Variants in CLIP2 observed in about 807,000 individuals in gnomAD.
CLIP2 encodes CAP-Gly domain-containing linker protein 2.
In CLIP2, 41 loss-of-function variants were observed where a neutral mutation model predicts 111.7. The observed-to-expected ratio is 0.37, with a 90% CI of 0.29 to 0.48. The LOEUF is 0.48. CLIP2 is among the 20% of genes least tolerant of loss of function. The probability of loss-of-function intolerance (pLI) is 0.99; values close to 1 mark genes in which losing one functional copy is unlikely to be tolerated. For synonymous variants in CLIP2, 660 were observed against 644.2 expected (o/e 1.02, Z -0.37); for missense variants, 1,160 against 1,422.1 (o/e 0.82, Z 2.96).
At chr7:74,400,605 T>A in intron 15 of CLIP2, 50 bp downstream of exon 15, 2 of 1,467,372 alleles carry the variant, frequency 1.4e-6, no homozygotes, top group Admixed American at 2.5e-5. Context: ...CGGGGCAGTG[T>A]CCTCGGAGCC....
At chr7:74,308,339 G>C (rs1376530594) in intron 1 of CLIP2, among the ~76,000 whole-genome samples, 1 of 152,082 alleles carries the variant, frequency 6.6e-6, no homozygotes. Context: ...TGGGAGGCCA[G>C]ACCGGCTGTG....
rs1436830532 is a variant in CLIP2 at position 74,372,795 on chromosome 7, C to T, written c.1381-137C>T. On this transcript the variant is annotated intron_variant, in intron 8 of 16. Coordinates refer to ENST00000223398, the MANE Select transcript of CLIP2 (RefSeq NM_003388.5). ...AATTCTGGCTCATGAATCTACTCTCCTCGCCTTGTTCACGGAAGATGACGC... is the reference window on the plus strand; with the variant it reads ...AATTCTGGCTCATGAATCTACTCTCTTCGCCTTGTTCACGGAAGATGACGC... 5 of 651,572 alleles carry T rather than the reference C, an allele frequency of 7.7e-6. No homozygotes were observed. The East Asian group carries it at 1.4e-4, about 18-fold the overall frequency. The allele number at this position is 651,572 out of a possible 1,614,324, so 40.4% of individuals were successfully genotyped here.
rs530018297 is a variant in CLIP2 at position 74,353,706 on chromosome 7, G to A, written c.679-174G>A. Among the ~76,000 whole-genome samples, 11 of 152,300 alleles carry A rather than the reference G, an allele frequency of 7.2e-5. No homozygotes were observed. In the East Asian group the frequency reaches 1.9e-3, roughly 27 times the overall value. On this transcript the variant is annotated intron_variant, in intron 3 of 16. Coordinates refer to ENST00000223398, the MANE Select transcript of CLIP2 (RefSeq NM_003388.5). Reference sequence around the variant, plus strand: ...GCCTGTGTCAGCCCTGGGAGGCACTGGTTAACCTGTCTCCATCTCAATCAT... The same window carrying A: ...GCCTGTGTCAGCCCTGGGAGGCACTAGTTAACCTGTCTCCATCTCAATCAT...
rs1554732630 is a variant in CLIP2 at position 74,338,629 on chromosome 7, G to A, written c.303G>A (p.Thr101=). ...KPGVVQYLGE[T]QFAPGQWAGV... Reference sequence around the variant, plus strand: ...GCGTGGTGCAGTATCTGGGAGAGACGCAGTTCGCACCGGGCCAGTGGGCTG... The same window carrying A: ...GCGTGGTGCAGTATCTGGGAGAGACACAGTTCGCACCGGGCCAGTGGGCTG... The change falls in exon 3 of 17, where the codon ACG becomes ACA. Residue 101 remains threonine, a synonymous_variant. Transcript: ENST00000223398. This position sits in a 1 kb window ranked among gnomAD's most constrained non-coding sequence, Gnocchi z 4.3. 8 of 1,564,092 alleles carry A rather than the reference G, an allele frequency of 5.1e-6. No individual in the cohort carries two copies. The highest frequency in any genetic ancestry group is 1.9e-5 in the Admixed American group (1 of 52,280).
At chr7:74,304,567 A>AG (rs1788425247) in intron 1 of CLIP2, among the ~76,000 whole-genome samples, 1 of 151,814 alleles carries the variant, frequency 6.6e-6, no homozygotes, top group Non-Finnish European at 1.5e-5. Context: ...AAAAAAAAAA[A>AG]AAAGTTTAAG....
At chr7:74,349,492 ATATATATATATATATATATG>A (rs1562702908) in intron 3 of CLIP2, among the ~76,000 whole-genome samples, 5 of 124,620 alleles carry the variant, frequency 4.0e-5, no homozygotes, top group Non-Finnish European at 6.6e-5. Flanking sequence ...ATATATATAT[ATATATATATATATATATATG>A]TAAATAAAAA....
intron 10 of CLIP2, among the ~76,000 whole-genome samples, chr7:74,379,748 G>A (rs1352139190): frequency 1.3e-5 from 2 of 151,522 alleles, no homozygotes; most frequent in Non-Finnish European, 2.9e-5. Flanking sequence ...CCTGGGCGAC[G>A]GAGTGAGACT....
At chr7:74,299,171 A>G (rs1320505859) in intron 1 of CLIP2, among the ~76,000 whole-genome samples, 5 of 152,008 alleles carry the variant, frequency 3.3e-5, no homozygotes, top group Non-Finnish European at 5.9e-5. Flanking sequence ...GTCTCTATAA[A>G]AAATACAAAA....
In CLIP2 at chr7:74,397,668, T is replaced by TG. The variant is rs1222471391; in HGVS notation, c.2880+435_2880+436insG. Among the ~76,000 whole-genome samples the TG allele has an allele frequency of 1.1e-3, 161 of 140,342 alleles. 1 individual carries two copies. The highest frequency in any genetic ancestry group is 4.3e-3 in the African/African-American group (161 of 37,678). 92.1% of individuals were successfully genotyped at this position (140,342 alleles called of 152,430 possible). A position where few individuals can be genotyped will look rare whatever the true frequency, so the allele number is the denominator to read the frequency against. On this transcript the variant is annotated intron_variant, in intron 14 of 16. Transcript: ENST00000223398. The stretch of plus-strand genomic sequence containing the variant: ...TTCTGGGTGGCTGAGTTTTTTTTGT[T>TG]TTTTTTTTTTTTTTTTGAGACAGAG...
chr7:74,349,569 T>C (rs1045361612), intron 3 of CLIP2, among the ~76,000 whole-genome samples: 22 of 145,696 alleles, frequency 1.5e-4, no homozygotes, highest in African/African-American at 5.0e-4. Flanking sequence ...TGATTGGACC[T>C]TGAAAACATG....
Position 74,372,408 on chromosome 7 carries a change from G to C in CLIP2, c.1381-524G>C, listed in dbSNP as rs560258793. On this transcript the variant is annotated intron_variant, in intron 8 of 16. Transcript: ENST00000223398. ...GCACTTTTAGCACAGGCCTTGGGGG[G>C]GGGGGGGAGTCGAGCGGGAATCCCG... Among the ~76,000 whole-genome samples, 25 of 149,078 alleles carry C rather than the reference G, an allele frequency of 1.7e-4. 3 individuals are homozygous for C. The highest frequency in any genetic ancestry group is 7.9e-4 in the East Asian group (4 of 5,032).
intron 4 of CLIP2, among the ~76,000 whole-genome samples, chr7:74,355,398 C>T (rs1347796282): frequency 1.3e-5 from 2 of 152,070 alleles, no homozygotes; most frequent in African/African-American, 4.8e-5. Flanking sequence ...TCACTTGAAG[C>T]CAGCAGTTAA....
chr7:74,357,553 C>G (rs2116609007), intron 6 of CLIP2, 76 bp downstream of exon 6: 3 of 1,371,368 alleles, frequency 2.2e-6, no homozygotes, highest in Non-Finnish European at 3.0e-6. Context: ...GAGCGGAGAC[C>G]CTGGAGGGGG....
intron 2 of CLIP2, 26 bp downstream of exon 2, chr7:74,317,693 G>A (rs1554729329): frequency 1.4e-6 from 2 of 1,420,030 alleles, no homozygotes; most frequent in Non-Finnish European, 1.9e-6. Flanking sequence ...AGGATGGGGG[G>A]TGAGGGGACT....
intron 3 of CLIP2, among the ~76,000 whole-genome samples, chr7:74,347,796 A>C (rs1789846063): frequency 6.6e-6 from 1 of 152,248 alleles, no homozygotes; most frequent in Non-Finnish European, 1.5e-5. Context: ...ATAAATATTC[A>C]GCTCTGGGAA....
chr7:74,373,166 T>G (rs1021803073), intron 9 of CLIP2, 130 bp downstream of exon 9: 1 of 628,658 alleles, frequency 1.6e-6, no homozygotes, highest in African/African-American at 1.8e-5. Flanking sequence ...ATTTTTTATT[T>G]TTGCATCCCC....
intron 8 of CLIP2, among the ~76,000 whole-genome samples, chr7:74,368,946 C>G (rs192300123): frequency 6.6e-6 from 1 of 152,326 alleles, no homozygotes; most frequent in Admixed American, 6.5e-5. Context: ...GGTGCAGTGG[C>G]TCACACCTGC....
chr7:74,293,721 G>A (rs782113633), intron 1 of CLIP2, among the ~76,000 whole-genome samples: 1 of 152,228 alleles, frequency 6.6e-6, no homozygotes, highest in Admixed American at 6.5e-5. Context: ...GCCACAGGAT[G>A]TGGGACTTGC....
chr7:74,389,982 G>A, intron 13 of CLIP2, among the ~76,000 whole-genome samples: 1 of 150,360 alleles, frequency 6.7e-6, no homozygotes, highest in African/African-American at 2.4e-5. Flanking sequence ...CTAGCTACTT[G>A]GGAGGCTGAG....
Sources: allele counts gnomAD v4.1 joint callset (sites outside exome capture counted in the v4.1 genomes callset), GRCh38; gene constraint gnomAD v4.1.1; non-coding constraint Gnocchi (gnomAD v3.1); transcripts MANE v1.5; gene names NCBI Gene and HGNC (gene_info 2026-07-23, HGNC 2026-07-21).